Variants in ACER2 observed in about 807,000 individuals in gnomAD.
ACER2 encodes the protein alkCDase 2.
ACER2 carries 26 observed loss-of-function variants against 34.7 expected under a neutral mutation model. The observed-to-expected ratio is 0.75, with a 90% CI of 0.55 to 1.04. The LOEUF is 1.04. Among genes scored for constraint, ACER2 ranks in the 50% least tolerant of loss-of-function variants. The pLI is 0.00. For missense variants in ACER2, 352 were observed against 340.8 expected (o/e 1.03, Z -0.26); for synonymous variants, 138 against 132.1 (o/e 1.04, Z -0.31).
chr9:19,434,509 G>A (rs1370800320), intron 3 of ACER2, among the ~76,000 whole-genome samples: 2 of 152,260 alleles, frequency 1.3e-5, no homozygotes, highest in African/African-American at 2.4e-5. Flanking sequence ...ACCAGACTCC[G>A]TCTGCAATCC....
chr9:19,425,521 ACAG>A (rs1364634493), intron 3 of ACER2, among the ~76,000 whole-genome samples: 1 of 152,236 alleles, frequency 6.6e-6, no homozygotes, highest in Non-Finnish European at 1.5e-5. Context: ...AGTAAACAAA[ACAG>A]CAGTCTTCCT....
At chr9:19,419,536 C>G (rs1430252618) in intron 1 of ACER2, among the ~76,000 whole-genome samples, 1 of 152,146 alleles carries the variant, frequency 6.6e-6, no homozygotes, top group African/African-American at 2.4e-5. Context: ...AAGATTGAGG[C>G]AGGCGGATCA....
chr9:19,431,179 C>T (rs1025250526), intron 3 of ACER2, among the ~76,000 whole-genome samples: 6 of 152,016 alleles, frequency 3.9e-5, no homozygotes, highest in Non-Finnish European at 5.9e-5. Flanking sequence ...GTAAGGATAA[C>T]AGTAATAATG....
At chr9:19,422,046 G>A (rs1819214555) in intron 1 of ACER2, among the ~76,000 whole-genome samples, 1 of 152,042 alleles carries the variant, frequency 6.6e-6, no homozygotes, top group African/African-American at 2.4e-5. Flanking sequence ...CATTTTGGGA[G>A]GCTGAGGCAG....
Position 19,424,010 on chromosome 9 carries a change from G to T in ACER2, c.223+34G>T, listed in dbSNP as rs776198308. 15 of 1,497,242 alleles carry T rather than the reference G, an allele frequency of 1.0e-5. No homozygotes were observed. The South Asian group carries it at 1.4e-4, about 14-fold the overall frequency. The allele number at this position is 1,497,242 out of a possible 1,614,324, so 92.7% of individuals were successfully genotyped here. On this transcript the variant is annotated intron_variant, in intron 2 of 5. Transcript: ENST00000340967. ...AGTCATTTGGGAACACGGACTTAAT[G>T]GGGTGGTGGGATGGGGGTAGAAGGA...
At chr9:19,444,711 G>C (rs1831293604) in intron 4 of ACER2, among the ~76,000 whole-genome samples, 1 of 152,186 alleles carries the variant, frequency 6.6e-6, no homozygotes, top group Non-Finnish European at 1.5e-5. Flanking sequence ...CAAGGTGAGA[G>C]ATGAGCTCTT....
Position 19,446,324 on chromosome 9 carries a change from C to G in ACER2, c.547C>G (p.Leu183Val). The G allele has an allele frequency of 6.2e-7, 1 of 1,614,164 alleles. No homozygotes were observed. The highest frequency in any genetic ancestry group is 2.2e-5 in the East Asian group (1 of 44,870). Residue 183 changes from leucine (L) to valine (V), a missense_variant, in exon 5 of 6, where the codon CTC becomes GTC. Coordinates refer to ENST00000340967, the MANE Select transcript of ACER2 (RefSeq NM_001010887.3). ...RVFKLGLFSG[L>V]WWTLALFCWI... ...GTTTAAGCTGGGCCTCTTCTCGGGC[C>G]TCTGGTGGACCCTGGCCCTGTTCTG...
chr9:19,414,084 G>C (rs1056327822), intron 1 of ACER2, among the ~76,000 whole-genome samples: 4 of 152,190 alleles, frequency 2.6e-5, no homozygotes, highest in African/African-American at 9.7e-5. Flanking sequence ...TTGCAAGAAG[G>C]CTTCTGAATA....
intron 1 of ACER2, among the ~76,000 whole-genome samples, chr9:19,410,585 T>C (rs12340681): frequency 0.16 from 24,485 of 152,046 alleles, 2,026 homozygotes; most frequent in South Asian, 0.26. Flanking sequence ...TGGCACACAC[T>C]TGTCGTCCCA....
At chr9:19,436,542 TA>T (rs900042441) in intron 4 of ACER2, among the ~76,000 whole-genome samples, 11 of 118,798 alleles carry the variant, frequency 9.3e-5, no homozygotes, top group African/African-American at 3.6e-4. Context: ...TTGCCATCTT[TA>T]AAAAAAAATC....
chr9:19,445,670 C>T (rs981367127), intron 4 of ACER2, among the ~76,000 whole-genome samples: 10 of 152,330 alleles, frequency 6.6e-5, no homozygotes, highest in African/African-American at 2.2e-4. Context: ...AGCACAAATC[C>T]TGCAGTGGCT....
intron 3 of ACER2, among the ~76,000 whole-genome samples, chr9:19,426,498 T>C (rs1280584997): frequency 6.6e-6 from 1 of 151,778 alleles, no homozygotes; most frequent in Non-Finnish European, 1.5e-5. Flanking sequence ...GTACGTTAGA[T>C]TGAGAGCTGA....
In ACER2 at chr9:19,435,083, AGGTAG is replaced by A. The variant is rs1223989713; in HGVS notation, c.503+1_503+5del. The A allele has an allele frequency of 2.5e-6, 4 of 1,614,018 alleles. No individual in the cohort carries two copies. The highest frequency in any genetic ancestry group is 3.4e-6 in the Non-Finnish European group (4 of 1,179,966). On this transcript the variant is annotated splice_donor_variant and splice_donor_region_variant and coding_sequence_variant and intron_variant, in exon 4 of 6. Coordinates refer to ENST00000340967, the MANE Select transcript of ACER2 (RefSeq NM_001010887.3). LOFTEE classifies it high-confidence loss of function. ...TGCACTGCTCATCGCAGAGCTAAAG[AGGTAG>A]GTGCCATCATTCCTGCCTACCCTTA...
chr9:19,413,813 C>T (rs958093218), intron 1 of ACER2, among the ~76,000 whole-genome samples: 3 of 152,106 alleles, frequency 2.0e-5, no homozygotes, highest in Admixed American at 6.6e-5. Context: ...CTGTCACTTC[C>T]TGCTCTGTCC....
In ACER2 at chr9:19,450,697, A is replaced by G; in HGVS notation, c.*61A>G. The G allele has an allele frequency of 1.4e-6, 2 of 1,454,954 alleles. No individual in the cohort carries two copies. The highest frequency in any genetic ancestry group is 1.9e-6 in the Non-Finnish European group (2 of 1,077,522). 90.1% of individuals were successfully genotyped at this position (1,454,954 alleles called of 1,614,324 possible). ...CCTCATGCAGTGGGCTTCCTTTGCT[A>G]GGAAGACAGCCAAGGGAGTTCGAAT... On this transcript the variant is annotated 3_prime_UTR_variant, in exon 6 of 6. Coordinates refer to ENST00000340967, the MANE Select transcript of ACER2 (RefSeq NM_001010887.3).
chr9:19,432,734 CAT>C (rs1485769374), intron 3 of ACER2, among the ~76,000 whole-genome samples: 4 of 147,408 alleles, frequency 2.7e-5, no homozygotes, highest in African/African-American at 4.9e-5. Context: ...ATTCTTTACA[CAT>C]ATATATAAAT....
At chr9:19,445,281 AGTGT>A (rs1285886385) in intron 4 of ACER2, among the ~76,000 whole-genome samples, 3 of 152,244 alleles carry the variant, frequency 2.0e-5, no homozygotes, top group Admixed American at 1.3e-4. Context: ...ATTTTGTCCC[AGTGT>A]GTGTAAGAAG....
At chr9:19,445,318 T>C (rs1331843532) in intron 4 of ACER2, among the ~76,000 whole-genome samples, 1 of 152,250 alleles carries the variant, frequency 6.6e-6, no homozygotes, top group Non-Finnish European at 1.5e-5. Context: ...TCAACACATG[T>C]TGAGTGCCTT....
chr9:19,436,899 C>T (rs1171207115), intron 4 of ACER2, among the ~76,000 whole-genome samples: 1 of 152,096 alleles, frequency 6.6e-6, no homozygotes, highest in African/African-American at 2.4e-5. Context: ...TTCAGTGCTC[C>T]CTATCCTTGG....
Sources: gnomAD v4.1 joint callset for allele counts (sites outside exome capture counted in the v4.1 genomes callset) on GRCh38, gnomAD v4.1.1 for gene constraint, MANE v1.5 for transcripts, NCBI Gene and HGNC (gene_info 2026-07-23, HGNC 2026-07-21) for gene names.